Variants in ANKIB1 observed in about 807,000 individuals in gnomAD.
ANKIB1 encodes the protein ankyrin repeat and IBR domain containing 1.
In ANKIB1, 43 loss-of-function variants were observed where a neutral mutation model predicts 122.1. That is an observed-to-expected ratio of 0.35 (90% CI 0.28 to 0.45). The LOEUF is 0.45. Among genes scored for constraint, ANKIB1 ranks in the 20% least tolerant of loss-of-function variants. The pLI, the probability that ANKIB1 is intolerant of heterozygous loss-of-function variation, is 1.00. For synonymous variants in ANKIB1, 390 were observed against 442.0 expected (o/e 0.88, Z 1.48); for missense variants, 992 against 1,329.5 (o/e 0.75, Z 3.95).
chr7:92,274,049 A>G (rs1347738924), intron 1 of ANKIB1, among the ~76,000 whole-genome samples: 2 of 152,296 alleles, frequency 1.3e-5, no homozygotes, highest in East Asian at 3.9e-4. Flanking sequence ...TGTTGGGATT[A>G]CAGGTGTGAA....
At chr7:92,348,648 C>T (rs566756603) in intron 7 of ANKIB1, among the ~76,000 whole-genome samples, 1 of 152,158 alleles carries the variant, frequency 6.6e-6, no homozygotes, top group Non-Finnish European at 1.5e-5. Context: ...CCTCCCAAAG[C>T]GCTAGGATTA....
chr7:92,339,454 C>T (rs536157569), intron 5 of ANKIB1, among the ~76,000 whole-genome samples: 9 of 152,244 alleles, frequency 5.9e-5, no homozygotes, highest in African/African-American at 2.2e-4. Context: ...AGAATTACTA[C>T]CTTTTCATGA....
chr7:92,254,368 C>A (rs191340712), intron 1 of ANKIB1, among the ~76,000 whole-genome samples: 1 of 152,106 alleles, frequency 6.6e-6, no homozygotes, highest in African/African-American at 2.4e-5. Context: ...TAATTAATAT[C>A]TTTGTGCATA....
chr7:92,354,867 A>G (rs567498432), intron 9 of ANKIB1, among the ~76,000 whole-genome samples: 1 of 152,362 alleles, frequency 6.6e-6, no homozygotes, highest in African/African-American at 2.4e-5. Context: ...AATTAAACGC[A>G]AATGATTCTG....
chr7:92,246,201 C>G lies in ANKIB1; in HGVS notation c.-409C>G. On this transcript the variant is annotated 5_prime_UTR_variant, in exon 1 of 20. Coordinates refer to ENST00000265742, the MANE Select transcript of ANKIB1 (RefSeq NM_019004.2). ...GACCGCGAGGCGGAGGCAAGAGCCA[C>G]CGCCCCCTCTTCCCCTCCCCCGAGT... The G allele has an allele frequency of 2.7e-6, 1 of 365,964 alleles. No individual in the cohort carries two copies. The allele number at this position is 365,964 out of a possible 1,614,324, so 22.7% of individuals were successfully genotyped here. A position where few individuals can be genotyped will look rare whatever the true frequency, so the allele number is the denominator to read the frequency against.
Position 92,392,305 on chromosome 7 carries a change from TG to T in ANKIB1, c.2283+17del, listed in dbSNP as rs1315046845. The T allele has an allele frequency of 6.2e-7, 1 of 1,608,952 alleles. No homozygotes were observed. Among genetic ancestry groups the T allele is most frequent in the Non-Finnish European group, 8.5e-7 (1 of 1,177,234 alleles). On this transcript the variant is annotated intron_variant, in intron 17 of 19. Transcript: ENST00000265742. Reference sequence around the variant, plus strand: ...TGCATCACCAGAGGTAATTGTTTTATGGGGTTTTTGTTTTTGTATTTTTTCT... The same window carrying T: ...TGCATCACCAGAGGTAATTGTTTTATGGGTTTTTGTTTTTGTATTTTTTCT...
intron 2 of ANKIB1, among the ~76,000 whole-genome samples, chr7:92,300,411 G>A (rs924566542): frequency 3.2e-4 from 49 of 151,864 alleles, no homozygotes; most frequent in African/African-American, 1.1e-3. Flanking sequence ...TTTAATTAAA[G>A]CTTTTAACAT....
intron 10 of ANKIB1, 111 bp downstream of exon 10, chr7:92,362,384 C>A: frequency 1.1e-6 from 1 of 930,770 alleles, no homozygotes; most frequent in Admixed American, 2.1e-5. Flanking sequence ...TTTGTTAATG[C>A]AAGTGCTCTC....
intron 1 of ANKIB1, among the ~76,000 whole-genome samples, chr7:92,279,883 C>T (rs1045246953): frequency 1.3e-5 from 2 of 152,182 alleles, no homozygotes; most frequent in African/African-American, 2.4e-5. Context: ...CAAGCACACA[C>T]ACACACATAC....
intron 9 of ANKIB1, among the ~76,000 whole-genome samples, chr7:92,355,068 C>G (rs1803765889): frequency 6.6e-6 from 1 of 152,304 alleles, no homozygotes; most frequent in African/African-American, 2.4e-5. Context: ...TATTAATAGG[C>G]ATTCCCCTTC....
chr7:92,275,677 A>G (rs1212468249), intron 1 of ANKIB1, among the ~76,000 whole-genome samples: 1 of 152,186 alleles, frequency 6.6e-6, no homozygotes, highest in African/African-American at 2.4e-5. Context: ...TGGAATTGGG[A>G]TTAAGTAGAA....
chr7:92,352,090 G>C (rs1803677798), intron 8 of ANKIB1, among the ~76,000 whole-genome samples: 1 of 152,004 alleles, frequency 6.6e-6, no homozygotes, highest in Non-Finnish European at 1.5e-5. Flanking sequence ...GAAATTTACT[G>C]TTCTAATACA....
chr7:92,331,028 C>T (rs1803161833), intron 5 of ANKIB1, among the ~76,000 whole-genome samples: 1 of 152,004 alleles, frequency 6.6e-6, no homozygotes, highest in Admixed American at 6.6e-5. Context: ...GCAAGGTCTG[C>T]ATTTAAATAT....
At chr7:92,259,057 G>A (rs1562762395) in intron 1 of ANKIB1, among the ~76,000 whole-genome samples, 1 of 151,922 alleles carries the variant, frequency 6.6e-6, no homozygotes, top group Non-Finnish European at 1.5e-5. Context: ...GGGCTCCATT[G>A]ATCCTCCTGT....
At chr7:92,346,495 C>A (rs1165631692) in intron 7 of ANKIB1, among the ~76,000 whole-genome samples, 1 of 152,108 alleles carries the variant, frequency 6.6e-6, no homozygotes, top group Non-Finnish European at 1.5e-5. Flanking sequence ...CTTTTTAAGT[C>A]AGAATATCTG....
chr7:92,331,495 A>T (rs1366726968), intron 5 of ANKIB1, among the ~76,000 whole-genome samples: 1 of 151,780 alleles, frequency 6.6e-6, no homozygotes, highest in Non-Finnish European at 1.5e-5. Flanking sequence ...GCTGGTCTGG[A>T]ACTCCTGACC....
rs1419244322 is a variant in ANKIB1, at chr7:92,246,214, C to T, written c.-396C>T. On this transcript the variant is annotated 5_prime_UTR_variant, in exon 1 of 20. Coordinates refer to ENST00000265742, the MANE Select transcript of ANKIB1 (RefSeq NM_019004.2). ...AGGCAAGAGCCACCGCCCCCTCTTCCCCTCCCCCGAGTGAGGCGGCGCAGC... is the reference window on the plus strand; with the variant it reads ...AGGCAAGAGCCACCGCCCCCTCTTCTCCTCCCCCGAGTGAGGCGGCGCAGC... 4 of 374,594 alleles carry T rather than the reference C, an allele frequency of 1.1e-5. No homozygotes were observed. Among genetic ancestry groups the T allele is most frequent in the African/African-American group, 2.3e-5 (1 of 43,486 alleles). The allele number at this position is 374,594 out of a possible 1,614,324, so 23.2% of individuals were successfully genotyped here. A position where few individuals can be genotyped will look rare whatever the true frequency, so the allele number is the denominator to read the frequency against.
intron 1 of ANKIB1, among the ~76,000 whole-genome samples, chr7:92,266,217 A>G (rs1801670043): frequency 6.6e-6 from 1 of 152,226 alleles, no homozygotes; most frequent in Non-Finnish European, 1.5e-5. Flanking sequence ...CTAAGAGTTC[A>G]GATAGGATGA....
chr7:92,313,597 A>T (rs1802735664), intron 3 of ANKIB1, among the ~76,000 whole-genome samples: 1 of 152,128 alleles, frequency 6.6e-6, no homozygotes, highest in African/African-American at 2.4e-5. Flanking sequence ...ATAATTTTTT[A>T]ATTTTACATA....
Sources: allele counts gnomAD v4.1 joint callset (sites outside exome capture counted in the v4.1 genomes callset), GRCh38; gene constraint gnomAD v4.1.1; transcripts MANE v1.5; gene names NCBI Gene and HGNC (gene_info 2026-07-23, HGNC 2026-07-21).